Variants in ARHGAP6 observed in about 807,000 individuals in gnomAD.
ARHGAP6 encodes rho GTPase-activating protein 6.
Under a neutral mutation model 55.7 loss-of-function variants are expected in ARHGAP6, and 16 were observed. The observed-to-expected ratio is 0.29, with a 90% CI of 0.19 to 0.44. The LOEUF (loss-of-function observed/expected upper bound fraction) is 0.44. ARHGAP6 is among the 20% of genes least tolerant of loss of function. The pLI is 1.00. For missense variants in ARHGAP6, 698 were observed against 808.9 expected (o/e 0.86, Z 1.66); for synonymous variants, 382 against 360.9 (o/e 1.06, Z -0.66).
At chrX:11,351,474 T>C in intron 1 of ARHGAP6, 5 of 959,025 alleles carry the variant, frequency 5.2e-6, no homozygotes, top group Non-Finnish European at 6.7e-6. Context: ...TAGAGAAGGA[T>C]TCCTCTAGGA....
Position 11,139,297 on chromosome X carries a change from C to G in ARHGAP6, c.2491G>C (p.Glu831Gln), listed in dbSNP as rs1284601261. The G allele has an allele frequency of 5.1e-6, 6 of 1,185,944 alleles. No individual in the cohort carries two copies. Among genetic ancestry groups the G allele is most frequent in the Non-Finnish European group, 5.7e-6 (5 of 883,691 alleles). Residue 831 changes from glutamate to glutamine, a missense_variant, in exon 13 of 13, where the codon GAG becomes CAG. By Grantham distance (29) the Glu-to-Gln change is conservative. Coordinates refer to ENST00000337414, the MANE Select transcript of ARHGAP6 (RefSeq NM_013427.3). ...TGCTCCGACCTGGCCGTGGGCCGCT[C>G]GGCTTTCCCTGCCACCTGGACGTGG... ...TPHVQVAGKA[E>Q]RPTARSEQYL...
intron 1 of ARHGAP6, among the ~76,000 whole-genome samples, chrX:11,444,697 T>C (rs2050074215): frequency 8.9e-6 from 1 of 112,167 alleles, no homozygotes; most frequent in Non-Finnish European, 1.9e-5. Context: ...TGTCTTCACA[T>C]TTCCAGGTGA....
chrX:11,300,946 T>A (rs1341693729), intron 1 of ARHGAP6, among the ~76,000 whole-genome samples: 2 of 112,107 alleles, frequency 1.8e-5, no homozygotes, highest in African/African-American at 6.5e-5. Flanking sequence ...AAATCTTTTT[T>A]AAAAAACAAA....
chrX:11,507,161 T>C (rs1209827411), intron 1 of ARHGAP6, among the ~76,000 whole-genome samples: 1 of 111,834 alleles, frequency 8.9e-6, no homozygotes, highest in Non-Finnish European at 1.9e-5. Context: ...AGTTGAGTCA[T>C]TAAAGCCTCA....
At chrX:11,441,230 C>G (rs2050035995) in intron 1 of ARHGAP6, among the ~76,000 whole-genome samples, 1 of 111,469 alleles carries the variant, frequency 9.0e-6, no homozygotes, top group African/African-American at 3.3e-5. Flanking sequence ...ACACATTAGT[C>G]TATGTAGAGT....
intron 1 of ARHGAP6, chrX:11,298,256 G>C (rs765738846): frequency 1.7e-5 from 20 of 1,209,347 alleles, no homozygotes; most frequent in Non-Finnish European, 2.2e-5. Flanking sequence ...CTTTGAAGTG[G>C]TACCAGAGCA....
At chrX:11,313,766 C>T (rs779698956) in intron 1 of ARHGAP6, among the ~76,000 whole-genome samples, 2 of 112,038 alleles carry the variant, frequency 1.8e-5, no homozygotes, top group Non-Finnish European at 3.8e-5. Context: ...TGCTAAGATG[C>T]TAGGTTTAGG....
chrX:11,227,695 A>G (rs1319836960), intron 2 of ARHGAP6, among the ~76,000 whole-genome samples: 1 of 110,037 alleles, frequency 9.1e-6, no homozygotes, highest in Non-Finnish European at 1.9e-5. Flanking sequence ...CTTTCCTCCC[A>G]ACTCTCCAGA....
intron 1 of ARHGAP6, among the ~76,000 whole-genome samples, chrX:11,268,353 C>T (rs1008445342): frequency 3.6e-5 from 4 of 111,871 alleles, no homozygotes; most frequent in Non-Finnish European, 5.6e-5. Flanking sequence ...CAAATAGCCA[C>T]TACATAATAG....
In ARHGAP6 at chrX:11,359,609, A is replaced by G. The variant is rs572604133; in HGVS notation, c.589-104902T>C. Among the ~76,000 whole-genome samples, 630 of 112,120 alleles carry G rather than the reference A, an allele frequency of 5.6e-3. 1 individual carries two copies. Among genetic ancestry groups the G allele is most frequent in the Middle Eastern group, 0.023 (5 of 218 alleles). ...CTTTGCACAAGCATTATTAAGCCAG[A>G]GCAAACACATTCAAAAGCTAGCAGA... On this transcript the variant is annotated intron_variant, in intron 1 of 12. Transcript: ENST00000337414.
At chrX:11,426,359 ATT>A (rs35111887) in intron 1 of ARHGAP6, among the ~76,000 whole-genome samples, 29 of 103,056 alleles carry the variant, frequency 2.8e-4, no homozygotes, top group Non-Finnish European at 3.0e-4. Flanking sequence ...CAAAAAAACA[ATT>A]TTTTTTTTTT....
intron 1 of ARHGAP6, among the ~76,000 whole-genome samples, chrX:11,625,577 A>T (rs746559908): frequency 2.3e-4 from 26 of 111,615 alleles, no homozygotes; most frequent in African/African-American, 8.5e-4. Flanking sequence ...GCTAATAAAT[A>T]CAAAAATAAA....
chrX:11,278,772 A>G (rs1449638684), intron 1 of ARHGAP6, among the ~76,000 whole-genome samples: 1 of 111,544 alleles, frequency 9.0e-6, no homozygotes, highest in Non-Finnish European at 1.9e-5. Flanking sequence ...ATAATAGAGA[A>G]GTCCTGCAGA....
chrX:11,468,033 A>C (rs190453131), intron 1 of ARHGAP6, among the ~76,000 whole-genome samples: 39 of 107,261 alleles, frequency 3.6e-4, no homozygotes, highest in African/African-American at 1.3e-3. Flanking sequence ...TAAATAAATA[A>C]ATAAATGGCC....
intron 2 of ARHGAP6, chrX:11,223,330 G>A: frequency 7.0e-6 from 1 of 143,440 alleles, no homozygotes; most frequent in Non-Finnish European, 1.5e-5. Flanking sequence ...ATTCATTGGT[G>A]CAAATAATTT....
chrX:11,485,098 T>C (rs1388676942), intron 1 of ARHGAP6, among the ~76,000 whole-genome samples: 1 of 111,708 alleles, frequency 9.0e-6, no homozygotes, highest in African/African-American at 3.3e-5. Context: ...CAATTATGTA[T>C]ATATGAGATC....
chrX:11,172,350 C>A (rs983400057), intron 8 of ARHGAP6, among the ~76,000 whole-genome samples: 1 of 111,386 alleles, frequency 9.0e-6, no homozygotes, highest in African/African-American at 3.3e-5. Context: ...TTTTTTATTT[C>A]ATTGACAAGT....
chrX:11,409,710 C>T (rs1412918940), intron 1 of ARHGAP6, among the ~76,000 whole-genome samples: 1 of 112,813 alleles, frequency 8.9e-6, no homozygotes, highest in Non-Finnish European at 1.9e-5. Flanking sequence ...ACAAAAAATA[C>T]TGTTGTGAAG....
chrX:11,642,806 T>G (rs995077690), intron 1 of ARHGAP6, among the ~76,000 whole-genome samples: 2 of 111,310 alleles, frequency 1.8e-5, no homozygotes, highest in Non-Finnish European at 3.8e-5. Flanking sequence ...GGAGAATGAC[T>G]GCTTAATGGG....
Sources: allele counts gnomAD v4.1 joint callset (sites outside exome capture counted in the v4.1 genomes callset), GRCh38; gene constraint gnomAD v4.1.1; transcripts MANE v1.5; gene names NCBI Gene and HGNC (gene_info 2026-07-23, HGNC 2026-07-21).